CWC27: variants seen among roughly 807,000 people sequenced by gnomAD.
CWC27 encodes spliceosome-associated protein CWC27 homolog.
CWC27 carries 47 observed loss-of-function variants against 63.6 expected under a neutral mutation model. That is an observed-to-expected ratio of 0.74 (90% CI 0.58 to 0.94). The LOEUF (loss-of-function observed/expected upper bound fraction) is 0.94. CWC27 is among the 40% of genes least tolerant of loss of function. The pLI is 0.00. For synonymous variants in CWC27, 175 were observed against 179.8 expected, an observed-to-expected ratio of 0.97 and a Z score of 0.22; for missense variants, 495 against 554.3, an observed-to-expected ratio of 0.89 and a Z score of 1.07.
chr5:64,804,202 G>A, intron 9 of CWC27, 27 bp from the exon 10 acceptor site: 2 of 1,567,778 alleles, frequency 1.3e-6, no homozygotes, highest in Non-Finnish European at 8.7e-7. Flanking sequence ...TGAGCACCTG[G>A]CAAATACTCA....
intron 13 of CWC27, among the ~76,000 whole-genome samples, chr5:65,010,611 A>T (rs1052662328): frequency 2.0e-5 from 3 of 152,236 alleles, no homozygotes; most frequent in African/African-American, 7.2e-5. Flanking sequence ...GCAAAATTTC[A>T]TAAAGAATGG....
intron 5 of CWC27, among the ~76,000 whole-genome samples, chr5:64,786,288 C>T (rs887112413): frequency 6.6e-6 from 1 of 151,112 alleles, no homozygotes. Context: ...AAATATTTTT[C>T]CCTTTTGTAA....
chr5:64,924,353 G>T (rs1748062099), intron 11 of CWC27, among the ~76,000 whole-genome samples: 1 of 152,208 alleles, frequency 6.6e-6, no homozygotes, highest in African/African-American at 2.4e-5. Context: ...GCTAGCTTAT[G>T]TAAAGGGGAG....
At chr5:65,013,080 C>A (rs939754298) in intron 13 of CWC27, among the ~76,000 whole-genome samples, 2 of 152,046 alleles carry the variant, frequency 1.3e-5, no homozygotes, top group African/African-American at 4.8e-5. Flanking sequence ...AAAAAAGGGG[C>A]CCTTCTCTCT....
chr5:64,956,642 A>G (rs1253996627), intron 11 of CWC27, among the ~76,000 whole-genome samples: 1 of 152,156 alleles, frequency 6.6e-6, no homozygotes, highest in Admixed American at 6.5e-5. Flanking sequence ...TTTGTCCAGT[A>G]TATAAGCTCC....
intron 10 of CWC27, among the ~76,000 whole-genome samples, chr5:64,809,963 AT>A (rs1470700509): frequency 1.3e-5 from 2 of 149,418 alleles, no homozygotes; most frequent in African/African-American, 4.9e-5. Flanking sequence ...CCAAGAAATC[AT>A]TGCTGAGTCC....
In CWC27 at chr5:64,774,706, A is replaced by G. The variant is rs1253150130; in HGVS notation, c.58A>G (p.Thr20Ala). 1.3e-6 allele frequency: 2 copies of G among 1,574,210 alleles called. No individual in the cohort carries two copies. Among genetic ancestry groups the G allele is most frequent in the African/African-American group, 2.7e-5 (2 of 72,850 alleles). Residue 20 changes from threonine to alanine, a missense_variant, in exon 2 of 14, where the codon ACA becomes GCA. By Grantham distance (58) the Thr-to-Ala change is moderately conservative. Around this residue, in one of 3 missense-constraint regions of CWC27, gnomAD observed 463 missense variants for 498.1 expected, o/e 0.93. Coordinates refer to ENST00000381070, the MANE Select transcript of CWC27 (RefSeq NM_005869.4). ...PTNGKVLLKTTAGDIDIELWS... is the reference protein window; with the variant it reads ...PTNGKVLLKTAAGDIDIELWS... ...CTTTCTACAGGTTTTATTGAAAACT[A>G]CAGCTGGAGATATTGACATAGAGTT...
At chr5:64,970,560 C>A (rs943577804) in intron 11 of CWC27, among the ~76,000 whole-genome samples, 1 of 152,102 alleles carries the variant, frequency 6.6e-6, no homozygotes, top group Non-Finnish European at 1.5e-5. Flanking sequence ...GTATACCAGT[C>A]GTGATGGCAT....
intron 11 of CWC27, among the ~76,000 whole-genome samples, chr5:64,910,754 G>A (rs6880542): frequency 0.029 from 4,372 of 152,306 alleles, 141 homozygotes; most frequent in African/African-American, 0.08. Context: ...GGGACCAGCC[G>A]AGCCAGGCAC....
At chr5:64,918,687 G>A (rs1421979114) in intron 11 of CWC27, among the ~76,000 whole-genome samples, 3 of 152,074 alleles carry the variant, frequency 2.0e-5, no homozygotes, top group Non-Finnish European at 4.4e-5. Context: ...GGTCTTTACT[G>A]TTTTTCTCAG....
At chr5:64,787,517 TG>T (rs1743930180) in intron 6 of CWC27, among the ~76,000 whole-genome samples, 1 of 151,856 alleles carries the variant, frequency 6.6e-6, no homozygotes, top group African/African-American at 2.4e-5. Flanking sequence ...CAATTTAACT[TG>T]TATTTAACTT....
chr5:64,907,966 A>T (rs1334875875), intron 11 of CWC27, among the ~76,000 whole-genome samples: 1 of 151,902 alleles, frequency 6.6e-6, no homozygotes, highest in Non-Finnish European at 1.5e-5. Context: ...TAGTTCTTTT[A>T]ATTGTGATGT....
chr5:64,885,698 G>GGTGTGT (rs143055779), intron 11 of CWC27, 152 bp downstream of exon 11: 15,463 of 260,796 alleles, frequency 0.059, 589 homozygotes, highest in Non-Finnish European at 0.066. Flanking sequence ...CTTGAGTTAG[G>GGTGTGT]GTGTGTGTGT....
intron 10 of CWC27, among the ~76,000 whole-genome samples, chr5:64,873,416 C>T (rs1322810504): frequency 6.6e-6 from 1 of 151,958 alleles, no homozygotes; most frequent in African/African-American, 2.4e-5. Flanking sequence ...AGTTCCTTTT[C>T]TAAACCAAAA....
At chr5:64,971,071 CT>C (rs931124280) in intron 11 of CWC27, among the ~76,000 whole-genome samples, 6 of 150,938 alleles carry the variant, frequency 4.0e-5, no homozygotes, top group Non-Finnish European at 7.4e-5. Context: ...GGTTTGTTGG[CT>C]TGTTTGTTTT....
At chr5:64,803,118 G>C (rs1013802250) in intron 9 of CWC27, among the ~76,000 whole-genome samples, 15 of 152,104 alleles carry the variant, frequency 9.9e-5, no homozygotes, top group African/African-American at 3.6e-4. Context: ...TGCAATGAGG[G>C]CTAGAATTTT....
intron 2 of CWC27, 72 bp from the exon 3 acceptor site, chr5:64,781,849 C>A: frequency 3.0e-6 from 2 of 665,756 alleles, no homozygotes; most frequent in Non-Finnish European, 4.9e-6. Flanking sequence ...TTGACTCTAG[C>A]TGTATTAATT....
chr5:64,937,947 C>T lies in CWC27; in HGVS notation c.1043-33756C>T, dbSNP rs868158622. On this transcript the variant is annotated intron_variant, in intron 11 of 13. Coordinates refer to ENST00000381070, the MANE Select transcript of CWC27 (RefSeq NM_005869.4). ...TTTTTTTTTTTTTTTTTTTGCTTTC[C>T]ATTTGCTTTGTAAATATTCCTCCAT... Among the ~76,000 whole-genome samples, 1,117 of 122,350 alleles carry T rather than the reference C, an allele frequency of 9.1e-3. 11 individuals carry two copies. The highest frequency in any genetic ancestry group is 0.037 in the African/African-American group (1,004 of 27,468). The allele number at this position is 122,350 out of a possible 152,430, so 80.3% of individuals were successfully genotyped here.
At position 64,955,797 on chromosome 5, in the gene CWC27, G is replaced by T. The variant is rs189904136; in HGVS notation, c.1043-15906G>T. ...CTGGATATGGTGCTTTCAAATAGTT[G>T]TACATATTTTCATATTTCAATTAAA... On this transcript the variant is annotated intron_variant, in intron 11 of 13. Transcript: ENST00000381070. Among the ~76,000 whole-genome samples the T allele has an allele frequency of 3.3e-5, 5 of 152,112 alleles. 1 individual carries two copies. Among genetic ancestry groups the T allele is most frequent in the Admixed American group, 2.6e-4 (4 of 15,282 alleles).
Sources: gnomAD v4.1 joint callset for allele counts (sites outside exome capture counted in the v4.1 genomes callset) on GRCh38, gnomAD v4.1.1 for gene constraint, gnomAD v4.1.1 regional missense constraint, MANE v1.5 for transcripts, NCBI Gene and HGNC (gene_info 2026-07-23, HGNC 2026-07-21) for gene names.